The following ZNF678 variants were observed in gnomAD, a reference collection of about 807,000 sequenced individuals.
ZNF678 encodes the protein zinc finger protein 678.
Under a neutral mutation model 3.0 loss-of-function variants are expected in ZNF678, and 5 were observed. The observed-to-expected ratio is 1.69, with a 90% CI of 0.88 to 3.56. The LOEUF (loss-of-function observed/expected upper bound fraction) is 3.56. ZNF678 is among the 30% of genes most tolerant of loss of function. ZNF678 has a pLI of 0.00. For synonymous variants in ZNF678, 218 were observed against 199.6 expected (o/e 1.09, Z -0.78); for missense variants, 593 against 605.0 (o/e 0.98, Z 0.21).
chr1:227,668,251 C>T (rs1317455837), intron 5 of ZNF678, among the ~76,000 whole-genome samples: 2 of 152,106 alleles, frequency 1.3e-5, no homozygotes, highest in East Asian at 1.9e-4. Context: ...CCTGTTGATA[C>T]CAGTTCTATA....
chr1:227,595,114 G>T (rs973440220), intron 1 of ZNF678, among the ~76,000 whole-genome samples: 2 of 151,236 alleles, frequency 1.3e-5, no homozygotes, highest in Non-Finnish European at 2.9e-5. Context: ...TCAATTACAG[G>T]TTTTAAATTT....
At chr1:227,626,336 C>G (rs1658414769) in intron 1 of ZNF678, among the ~76,000 whole-genome samples, 1 of 152,164 alleles carries the variant, frequency 6.6e-6, no homozygotes, top group African/African-American at 2.4e-5. Flanking sequence ...ATCCAAGATT[C>G]TACTCCAGCC....
chr1:227,612,825 A>G (rs1230328817), intron 1 of ZNF678, among the ~76,000 whole-genome samples: 1 of 152,176 alleles, frequency 6.6e-6, no homozygotes, highest in African/African-American at 2.4e-5. Context: ...ACGCCTCACC[A>G]AATATGCCCC....
chr1:227,666,788 A>C (rs1482933407), downstream of ZNF678, among the ~76,000 whole-genome samples: 121 of 121,046 alleles, frequency 1.0e-3, 2 homozygotes, highest in Admixed American at 6.4e-3. Flanking sequence ...GTTTTTGCCC[A>C]GGCTGGAGTG....
intron 1 of ZNF678, among the ~76,000 whole-genome samples, chr1:227,579,510 A>G (rs943963249): frequency 2.0e-5 from 3 of 152,156 alleles, no homozygotes; most frequent in African/African-American, 7.2e-5. Flanking sequence ...CAGGTGGACA[A>G]TTAAAGTAAA....
chr1:227,618,663 C>T (rs1658199368), intron 1 of ZNF678, among the ~76,000 whole-genome samples: 2 of 151,996 alleles, frequency 1.3e-5, no homozygotes, highest in African/African-American at 2.4e-5. Context: ...TGGCTTTTTG[C>T]TAGGTAAAAA....
chr1:227,566,242 C>T (rs1047865691), intron 1 of ZNF678, among the ~76,000 whole-genome samples: 3 of 152,178 alleles, frequency 2.0e-5, no homozygotes, highest in Non-Finnish European at 4.4e-5. Context: ...TGTCCTGGGG[C>T]TGAGAGAAGT....
At chr1:227,592,598 A>G (rs1200598886) in intron 1 of ZNF678, among the ~76,000 whole-genome samples, 4 of 152,342 alleles carry the variant, frequency 2.6e-5, no homozygotes, top group South Asian at 4.1e-4. Context: ...TAATAGATGT[A>G]GTTTATCTAA....
intron 1 of ZNF678, among the ~76,000 whole-genome samples, chr1:227,637,795 A>T (rs1230144989): frequency 6.6e-6 from 1 of 152,074 alleles, no homozygotes; most frequent in African/African-American, 2.4e-5. Flanking sequence ...GAAAAGAGAA[A>T]ATTTCTTGCT....
chr1:227,634,239 C>G (rs10916182), intron 1 of ZNF678, among the ~76,000 whole-genome samples: 73,423 of 152,086 alleles, frequency 0.48, 18,876 homozygotes, highest in African/African-American at 0.67. Context: ...TTACTACACT[C>G]AGGACTTCAG....
intron 5 of ZNF678, among the ~76,000 whole-genome samples, chr1:227,676,992 G>A (rs1475954214): frequency 1.3e-5 from 2 of 152,178 alleles, no homozygotes; most frequent in African/African-American, 4.8e-5. Context: ...ACTTGTGCAT[G>A]TGTCTTTATA....
chr1:227,625,847 G>T (rs553565086), intron 1 of ZNF678, among the ~76,000 whole-genome samples: 1 of 152,124 alleles, frequency 6.6e-6, no homozygotes, highest in Non-Finnish European at 1.5e-5. Context: ...GGTGAAGTAA[G>T]TCCAATAGAC....
Position 227,589,267 on chromosome 1 carries a change from G to C in ZNF678, c.-164+25543G>C, listed in dbSNP as rs756349046. On this transcript the variant is annotated intron_variant, in intron 1 of 3. Coordinates refer to ENST00000343776, the MANE Select transcript of ZNF678 (RefSeq NM_001367909.1). ...TAGATTTTCTTCTAGGGTTTTTATA[G>C]TTTTGGGTTTTACAAATGTAAAAGT... Among the ~76,000 whole-genome samples the C allele has an allele frequency of 3.1e-4, 47 of 151,852 alleles. 1 individual carries two copies. The Middle Eastern group carries it at 0.01, about 33-fold the overall frequency.
chr1:227,668,910 A>G (rs1022961607), intron 5 of ZNF678, among the ~76,000 whole-genome samples: 48 of 152,096 alleles, frequency 3.2e-4, no homozygotes, highest in African/African-American at 1.1e-3. Context: ...ATTCTGTTCT[A>G]TTATGTGGAT....
At chr1:227,636,283 G>A (rs373050092) in intron 1 of ZNF678, among the ~76,000 whole-genome samples, 4 of 152,268 alleles carry the variant, frequency 2.6e-5, no homozygotes, top group East Asian at 3.9e-4. Flanking sequence ...TCTGATGTTT[G>A]AAGCGATTTC....
chr1:227,604,975 C>T (rs1657827831), intron 1 of ZNF678, among the ~76,000 whole-genome samples: 1 of 152,102 alleles, frequency 6.6e-6, no homozygotes, highest in Admixed American at 6.5e-5. Context: ...CCTGGCTCAG[C>T]CTCCCAATTA....
At chr1:227,599,267 C>A (rs1214240600) in intron 1 of ZNF678, among the ~76,000 whole-genome samples, 1 of 152,170 alleles carries the variant, frequency 6.6e-6, no homozygotes, top group African/African-American at 2.4e-5. Flanking sequence ...GGTATCATGT[C>A]ATAATTTTGG....
rs529005922 is a variant in ZNF678 at position 227,638,621 on chromosome 1, AG to A, written c.-163-7922del. On this transcript the variant is annotated intron_variant, in intron 1 of 3. Coordinates refer to ENST00000343776, the MANE Select transcript of ZNF678 (RefSeq NM_001367909.1). The surrounding 1 kb of genome is among the most constrained non-coding windows in gnomAD (Gnocchi z 4.2). Reference sequence around the variant, plus strand: ...ATGTTTTAAGGTGGGAGGTTGGAGGAGTAGAAGAAAGTTAGAAGTACCACAG... The same window carrying A: ...ATGTTTTAAGGTGGGAGGTTGGAGGATAGAAGAAAGTTAGAAGTACCACAG... Among the ~76,000 whole-genome samples the A allele has an allele frequency of 6.6e-5, 10 of 152,166 alleles. No individual in the cohort carries two copies. The East Asian group carries it at 1.4e-3, about 21-fold the overall frequency.
chr1:227,612,453 G>A (rs1366473950), intron 1 of ZNF678, among the ~76,000 whole-genome samples: 1 of 152,148 alleles, frequency 6.6e-6, no homozygotes, highest in Non-Finnish European at 1.5e-5. Context: ...CCTCCCTTTG[G>A]TGGAACGGTG....
Sources: gnomAD v4.1 joint callset for allele counts (sites outside exome capture counted in the v4.1 genomes callset) on GRCh38, gnomAD v4.1.1 for gene constraint, Gnocchi (gnomAD v3.1) non-coding constraint, MANE v1.5 for transcripts, NCBI Gene and HGNC (gene_info 2026-07-23, HGNC 2026-07-21) for gene names.